ANKRD52: variants seen among roughly 807,000 people sequenced by gnomAD.
ANKRD52 encodes serine/threonine-protein phosphatase 6 regulatory ankyrin repeat subunit C.
In ANKRD52, 7 loss-of-function variants were observed where a neutral mutation model predicts 116.0. The observed-to-expected ratio is 0.06, with a 90% CI of 0.03 to 0.11. ANKRD52 has a LOEUF of 0.11. Among genes scored for constraint, ANKRD52 ranks in the 10% least tolerant of loss-of-function variants. The pLI, the probability that ANKRD52 is intolerant of heterozygous loss-of-function variation, is 1.00. For missense variants in ANKRD52, 839 were observed against 1,408.6 expected, an observed-to-expected ratio of 0.60 and a Z score of 6.47; for synonymous variants, 528 against 578.1, an observed-to-expected ratio of 0.91 and a Z score of 1.24.
rs781143651 is a variant in ANKRD52, at chr12:56,244,776, G to A, written c.2598C>T (p.Ala866=). The change falls in exon 24 of 28, where the codon GCC becomes GCT. Residue 866 remains alanine (A), a synonymous_variant. Transcript: ENST00000267116. The surrounding 1 kb of genome is among the most constrained non-coding windows in gnomAD (Gnocchi z 4.9). ...GGAGCCCAGAGACATTGTCCGCGAAGGCAGCGGCGTGAAGGGGGGTCCTGT... is the reference window on the plus strand; with the variant it reads ...GGAGCCCAGAGACATTGTCCGCGAAAGCAGCGGCGTGAAGGGGGGTCCTGT... ...AKGRTPLHAA[A]FADNVSGLRM... is the part of the protein sequence containing the mutation. 1 of 1,613,850 alleles carries A rather than the reference G, an allele frequency of 6.2e-7. No individual in the cohort carries two copies.
chr12:56,248,783 A>G lies in ANKRD52; in HGVS notation c.1680T>C (p.Tyr560=), dbSNP rs772267762. Residue 560 remains tyrosine (Y), a synonymous_variant, in exon 16 of 28, where the codon TAT becomes TAC. Coordinates refer to ENST00000267116, the MANE Select transcript of ANKRD52 (RefSeq NM_173595.4). The surrounding 1 kb of genome is among the most constrained non-coding windows in gnomAD (Gnocchi z 5.1). ...GYTAVHYAAA[Y]GNRQNLELLL... ...CCAGTTCGAGGTTCTGTCTGTTGCC[A>G]TAGGCGGCTGCATAGTGCACAGCTG... The G allele has an allele frequency of 2.5e-6, 4 of 1,610,732 alleles. No homozygotes were observed. In the South Asian group the frequency reaches 3.3e-5, roughly 13 times the overall value.
Position 56,253,270 on chromosome 12 carries a change from G to A in ANKRD52, c.1100+18C>T, listed in dbSNP as rs749473918. 1 of 1,605,764 alleles carries A rather than the reference G, an allele frequency of 6.2e-7. No individual in the cohort carries two copies. The highest frequency in any genetic ancestry group is 1.1e-5 in the South Asian group (1 of 90,596). Reference sequence around the variant, plus strand: ...CAGATCTGGGCAGCCCAGAAGTGGAGTCGGGGCCCTGACTCACCGGGCGGT... The same window carrying A: ...CAGATCTGGGCAGCCCAGAAGTGGAATCGGGGCCCTGACTCACCGGGCGGT... On this transcript the variant is annotated intron_variant, in intron 10 of 27. Coordinates refer to ENST00000267116, the MANE Select transcript of ANKRD52 (RefSeq NM_173595.4). The surrounding 1 kb of genome is among the most constrained non-coding windows in gnomAD (Gnocchi z 5.5).
rs771629819 is a variant in ANKRD52, at chr12:56,254,167, T to C, written c.806A>G (p.Asn269Ser). 1.9e-6 allele frequency: 3 copies of C among 1,613,834 alleles called. No individual in the cohort carries two copies. In the African/African-American group the frequency reaches 4.0e-5, roughly 22 times the overall value. Reference protein sequence around the residue: ...VNAGANVNQPNDKGFTPLHVA... With the variant: ...VNAGANVNQPSDKGFTPLHVA... ...ATGCAGTGGCGTGAAGCCCTTGTCA[T>C]TCGGCTGGTTGACATTGGCTCCGGC... The change falls in exon 8 of 28, where the codon AAT (asparagine) becomes AGT (serine). Residue 269 changes from asparagine (N) to serine (S), a missense_variant. This residue lies in a region of ANKRD52 where 287 missense variants were observed against 598.1 expected (regional missense o/e 0.48). Transcript: ENST00000267116. The surrounding 1 kb of genome is among the most constrained non-coding windows in gnomAD (Gnocchi z 4.6).
At position 56,253,954 on chromosome 12, in the gene ANKRD52, G is replaced by T; in HGVS notation, c.906+113C>A. The T allele has an allele frequency of 7.4e-7, 1 of 1,358,252 alleles. No homozygotes were observed. The highest frequency in any genetic ancestry group is 1.0e-6 in the Non-Finnish European group (1 of 977,718). 84.1% of individuals were successfully genotyped at this position (1,358,252 alleles called of 1,614,324 possible). ...CTTTCCTGAGTCCCTGGCAAGGTCT[G>T]ATTACCCTAGGAAGCAAGTGGATAA... On this transcript the variant is annotated intron_variant, in intron 8 of 27. Transcript: ENST00000267116. The surrounding 1 kb of genome is among the most constrained non-coding windows in gnomAD (Gnocchi z 5.5).
At chr12:56,257,764 G>C in intron 2 of ANKRD52, 64 bp downstream of exon 2, 3 of 1,510,002 alleles carry the variant, frequency 2.0e-6, no homozygotes, top group Non-Finnish European at 2.7e-6. Context: ...CCCACCGGTG[G>C]GGAGGGGTCC....
rs1273128945 is a variant in ANKRD52 at position 56,257,023 on chromosome 12, G to C, written c.253C>G (p.Arg85Gly). 6.2e-7 allele frequency: 1 copy of C among 1,613,174 alleles called. No individual in the cohort carries two copies. Among genetic ancestry groups the C allele is most frequent in the Non-Finnish European group, 8.5e-7 (1 of 1,179,568 alleles). Reference sequence around the variant, plus strand: ...AAGGTGGGGGTGCATACCTCGTTTCGGGAGGCAGCAGCACGATGAAGAGGG... The same window carrying C: ...AAGGTGGGGGTGCATACCTCGTTTCCGGAGGCAGCAGCACGATGAAGAGGG... ...LTPLHRAAASRNEKVLGLLLA... is the reference protein window; with the variant it reads ...LTPLHRAAASGNEKVLGLLLA... The change falls in exon 4 of 28, where the codon CGA becomes GGA. Residue 85 changes from arginine to glycine, a missense_variant. By Grantham distance (125) the Arg-to-Gly change is moderately radical (BLOSUM62 -2). Around this residue, in one of 2 missense-constraint regions of ANKRD52, gnomAD observed 287 missense variants for 598.1 expected, o/e 0.48. Transcript: ENST00000267116.
At position 56,247,562 on chromosome 12, in the gene ANKRD52, A is replaced by T; in HGVS notation, c.2115T>A (p.His705Gln). The T allele has an allele frequency of 6.3e-7, 1 of 1,597,170 alleles. No homozygotes were observed. The highest frequency in any genetic ancestry group is 8.5e-7 in the Non-Finnish European group (1 of 1,171,472). Residue 705 changes from histidine to glutamine, a missense_variant, in exon 20 of 28, where the codon CAT becomes CAA. His to Gln is a conservative substitution (Grantham distance 24, BLOSUM62 0). Transcript: ENST00000267116. ...CTGTGGATCCTTTCTCTAGCAGCAG[A>T]TGTACACAGTCCACATGGCCATTCA... is the stretch of plus-strand genomic sequence containing the variant. ...AIMNGHVDCV[H>Q]LLLEKGSTAD... is the part of the protein sequence containing the mutation.
rs1301443003 is a variant in ANKRD52, at chr12:56,253,492, T to C, written c.986-90A>G. On this transcript the variant is annotated intron_variant, in intron 9 of 27. Coordinates refer to ENST00000267116, the MANE Select transcript of ANKRD52 (RefSeq NM_173595.4). The surrounding 1 kb of genome is among the most constrained non-coding windows in gnomAD (Gnocchi z 5.5). ...AGCCATGATTTGAGTGCCTACTATG[T>C]ATGCATCAGGTGCCAGGCCCAGGAT... 1 of 1,065,452 alleles carries C rather than the reference T, an allele frequency of 9.4e-7. No homozygotes were observed. The highest frequency in any genetic ancestry group is 1.4e-6 in the Non-Finnish European group (1 of 699,582). 66.0% of individuals were successfully genotyped at this position (1,065,452 alleles called of 1,614,324 possible). A position where few individuals can be genotyped will look rare whatever the true frequency, so the allele number is the denominator to read the frequency against.
rs750719151 is a variant in ANKRD52 at position 56,252,237 on chromosome 12, G to A, written c.1449C>T (p.Asn483=). The part of the protein sequence containing the change: ...VTLVTAGAGV[N]EADCKGCSPL... Reference sequence around the variant, plus strand: ...GAGAGCAGCCTTTACAGTCGGCCTCGTTGACACCTGCCCCAGCAGTCACCA... The same window carrying A: ...GAGAGCAGCCTTTACAGTCGGCCTCATTGACACCTGCCCCAGCAGTCACCA... Residue 483 remains asparagine, a synonymous_variant, in exon 14 of 28, where the codon AAC becomes AAT. Transcript: ENST00000267116. This position sits in a 1 kb window ranked among gnomAD's most constrained non-coding sequence, Gnocchi z 4.7. 8 of 1,613,866 alleles carry A rather than the reference G, an allele frequency of 5.0e-6. No individual in the cohort carries two copies. Among genetic ancestry groups the A allele is most frequent in the Admixed American group, 3.3e-5 (2 of 60,002 alleles).
chr12:56,253,461 C>T lies in ANKRD52; in HGVS notation c.986-59G>A, dbSNP rs565939379. ...GACCTCAGGCTTAAGACCACTTTCG[C>T]GAGCTAGCCATGATTTGAGTGCCTA... On this transcript the variant is annotated intron_variant, in intron 9 of 27. Transcript: ENST00000267116. The surrounding 1 kb of genome is among the most constrained non-coding windows in gnomAD (Gnocchi z 5.5). 2.0e-5 allele frequency: 27 copies of T among 1,347,336 alleles called. No homozygotes were observed. The highest frequency in any genetic ancestry group is 5.2e-5 in the Admixed American group (3 of 57,760). 83.5% of individuals were successfully genotyped at this position (1,347,336 alleles called of 1,614,324 possible). A position where few individuals can be genotyped will look rare whatever the true frequency, so the allele number is the denominator to read the frequency against.
chr12:56,257,845 CCTT>C lies in ANKRD52; in HGVS notation c.91_93del (p.Lys31del), dbSNP rs1872032355. On this transcript the variant is annotated inframe_deletion, in exon 2 of 28. Transcript: ENST00000267116. ...CAACTCACCAGCACATTGATGTTCT[CCTT>C]CTGCGAGAGTAGGGAACGCACTTCC... is the stretch of plus-strand genomic sequence containing the variant. 6 of 1,613,876 alleles carry C rather than the reference CCTT, an allele frequency of 3.7e-6. No homozygotes were observed. The highest frequency in any genetic ancestry group is 5.1e-6 in the Non-Finnish European group (6 of 1,179,856).
At position 56,244,772 on chromosome 12, in the gene ANKRD52, C is replaced by T. The variant is rs978832958; in HGVS notation, c.2602G>A (p.Ala868Thr). Residue 868 changes from alanine (A) to threonine (T), a missense_variant, in exon 24 of 28, where the codon GCG becomes ACG. Ala to Thr is a moderately conservative substitution (Grantham distance 58). This residue lies in a region of ANKRD52 where 552 missense variants were observed against 810.6 expected (regional missense o/e 0.68). Coordinates refer to ENST00000267116, the MANE Select transcript of ANKRD52 (RefSeq NM_173595.4). The surrounding 1 kb of genome is among the most constrained non-coding windows in gnomAD (Gnocchi z 4.9). ...GRTPLHAAAF[A>T]DNVSGLRMLL... ...ATCCGGAGCCCAGAGACATTGTCCG[C>T]GAAGGCAGCGGCGTGAAGGGGGGTC... 16 of 1,613,608 alleles carry T rather than the reference C, an allele frequency of 9.9e-6. No homozygotes were observed. The highest frequency in any genetic ancestry group is 1.3e-5 in the African/African-American group (1 of 74,896).
rs747378149 is a variant in ANKRD52 at position 56,252,595 on chromosome 12, G to A, written c.1302-25C>T. 1.2e-6 allele frequency: 2 copies of A among 1,611,010 alleles called. No homozygotes were observed. Among genetic ancestry groups the A allele is most frequent in the South Asian group, 1.1e-5 (1 of 90,956 alleles). On this transcript the variant is annotated intron_variant, in intron 12 of 27. Coordinates refer to ENST00000267116, the MANE Select transcript of ANKRD52 (RefSeq NM_173595.4). This position sits in a 1 kb window ranked among gnomAD's most constrained non-coding sequence, Gnocchi z 4.7. ...CCTAAAAGAAAGATGTGTTAAGAGA[G>A]TTACAGCCTCAAAGGGAAGCCACAG...
chr12:56,255,656 C>A lies in ANKRD52; in HGVS notation c.462+128G>T. The A allele has an allele frequency of 1.2e-6, 1 of 804,166 alleles. No homozygotes were observed. Among genetic ancestry groups the A allele is most frequent in the South Asian group, 1.9e-5 (1 of 53,854 alleles). The allele number at this position is 804,166 out of a possible 1,614,324, so 49.8% of individuals were successfully genotyped here. On this transcript the variant is annotated intron_variant, in intron 5 of 27. Coordinates refer to ENST00000267116, the MANE Select transcript of ANKRD52 (RefSeq NM_173595.4). This position sits in a 1 kb window ranked among gnomAD's most constrained non-coding sequence, Gnocchi z 4.3. The stretch of plus-strand genomic sequence containing the variant: ...TCTGACCATTCATTTAGTGCTTCAG[C>A]TTAAGTGTTTATATAACCATCCGGG...
chr12:56,254,169 C>A lies in ANKRD52; in HGVS notation c.804G>T (p.Pro268=), dbSNP rs183357245. ...LVNAGANVNQ[P]NDKGFTPLHV... is the part of the protein sequence containing the mutation. Reference sequence around the variant, plus strand: ...GCAGTGGCGTGAAGCCCTTGTCATTCGGCTGGTTGACATTGGCTCCGGCAT... The same window carrying A: ...GCAGTGGCGTGAAGCCCTTGTCATTAGGCTGGTTGACATTGGCTCCGGCAT... The change falls in exon 8 of 28, where the codon CCG becomes CCT. Residue 268 remains proline, a synonymous_variant. Transcript: ENST00000267116. This position sits in a 1 kb window ranked among gnomAD's most constrained non-coding sequence, Gnocchi z 4.6. The A allele has an allele frequency of 4.3e-5, 70 of 1,613,900 alleles. No individual in the cohort carries two copies. In the African/African-American group the frequency reaches 8.3e-4, roughly 19 times the overall value.
At position 56,257,299 on chromosome 12, in the gene ANKRD52, C is replaced by A. The variant is rs746907957; in HGVS notation, c.174G>T (p.Gln58His). 1.2e-5 allele frequency: 19 copies of A among 1,597,312 alleles called. No homozygotes were observed. In the South Asian group the frequency reaches 2.2e-4, roughly 18 times the overall value. Residue 58 changes from glutamine (Q) to histidine (H), a missense_variant, in exon 3 of 28, where the codon CAG becomes CAT. Around this residue, in one of 2 missense-constraint regions of ANKRD52, gnomAD observed 287 missense variants for 598.1 expected, o/e 0.48. Coordinates refer to ENST00000267116, the MANE Select transcript of ANKRD52 (RefSeq NM_173595.4). The stretch of plus-strand genomic sequence containing the variant: ...CACTTTCACCTGACATCAGTAGCAA[C>A]TGGAGGATGGGGACATCGCCTACGT... ...AAYVGDVPIL[Q>H]LLLMSGANVN...
chr12:56,254,343 A>G lies in ANKRD52; in HGVS notation c.694-64T>C. On this transcript the variant is annotated intron_variant, in intron 7 of 27. Coordinates refer to ENST00000267116, the MANE Select transcript of ANKRD52 (RefSeq NM_173595.4). The surrounding 1 kb of genome is among the most constrained non-coding windows in gnomAD (Gnocchi z 4.6). ...AAACAAAGTAGAAGCCAGCACATGT[A>G]GCCTCCAGATCCCAGAAATCCAACG... 6.5e-7 allele frequency: 1 copy of G among 1,546,772 alleles called. No individual in the cohort carries two copies. Among genetic ancestry groups the G allele is most frequent in the African/African-American group, 1.4e-5 (1 of 73,720 alleles).
Position 56,248,313 on chromosome 12 carries a change from C to T in ANKRD52, c.1777-89G>A, listed in dbSNP as rs1233456504. On this transcript the variant is annotated intron_variant, in intron 17 of 27. Transcript: ENST00000267116. The surrounding 1 kb of genome is among the most constrained non-coding windows in gnomAD (Gnocchi z 5.1). ...CTCTGCTCTTGGGGTCCCTGGGAAG[C>T]TCAAGGTCTTAGTCCTTGACAAGCT... 5.9e-6 allele frequency: 9 copies of T among 1,529,442 alleles called. No homozygotes were observed. The highest frequency in any genetic ancestry group is 1.4e-5 in the African/African-American group (1 of 73,152). 94.7% of individuals were successfully genotyped at this position (1,529,442 alleles called of 1,614,324 possible).
At position 56,252,769 on chromosome 12, in the gene ANKRD52, A is replaced by C. The variant is rs1871766040; in HGVS notation, c.1301+11T>G. On this transcript the variant is annotated intron_variant, in intron 12 of 27. Transcript: ENST00000267116. This position sits in a 1 kb window ranked among gnomAD's most constrained non-coding sequence, Gnocchi z 4.7. ...CCTGCTCAAAGCATGGGAGAGAGAA[A>C]GAGAACTCACCCTCCGGAAGCAGCA... is the stretch of plus-strand genomic sequence containing the variant. 1 of 1,612,180 alleles carries C rather than the reference A, an allele frequency of 6.2e-7. No individual in the cohort carries two copies. Among genetic ancestry groups the C allele is most frequent in the Non-Finnish European group, 8.5e-7 (1 of 1,178,846 alleles).
Sources: allele counts gnomAD v4.1 joint callset, GRCh38; gene constraint gnomAD v4.1.1; regional missense constraint gnomAD v4.1.1; non-coding constraint Gnocchi (gnomAD v3.1); transcripts MANE v1.5; gene names NCBI Gene and HGNC (gene_info 2026-07-23, HGNC 2026-07-21).